Variants in CDKL4 observed in about 807,000 individuals in gnomAD.
CDKL4 encodes the protein cyclin dependent kinase like 4.
Under a neutral mutation model 42.0 loss-of-function variants are expected in CDKL4, and 44 were observed. The observed-to-expected ratio is 1.05, with a 90% CI of 0.82 to 1.35. The LOEUF (loss-of-function observed/expected upper bound fraction) is 1.35. Ranked by LOEUF, CDKL4 falls within the 40% of genes most tolerant of loss-of-function variation. CDKL4 has a pLI of 0.00. For missense variants in CDKL4, 393 were observed against 369.9 expected, an observed-to-expected ratio of 1.06 and a Z score of -0.51; for synonymous variants, 120 against 121.6, an observed-to-expected ratio of 0.99 and a Z score of 0.09.
At chr2:39,173,378 T>C (rs1309430879), downstream of CDKL4, among the ~76,000 whole-genome samples, 1 of 152,168 alleles carries the variant, frequency 6.6e-6, no homozygotes, top group African/African-American at 2.4e-5. Context: ...ATCGTCCTGT[T>C]AAAAATGCAG....
intron 5 of CDKL4, among the ~76,000 whole-genome samples, chr2:39,195,592 C>T (rs976507716): frequency 6.6e-6 from 1 of 151,690 alleles, no homozygotes; most frequent in Non-Finnish European, 1.5e-5. Flanking sequence ...TGCTTATTGG[C>T]CATTCGTATA....
chr2:39,208,606 G>T (rs962377493), intron 4 of CDKL4, among the ~76,000 whole-genome samples: 3 of 151,884 alleles, frequency 2.0e-5, no homozygotes, highest in Admixed American at 2.0e-4. Flanking sequence ...GCCTCCCAAA[G>T]TGCTGGGATT....
chr2:39,225,971 A>G lies in CDKL4; in HGVS notation c.169-11T>C, dbSNP rs200316561. On this transcript the variant is annotated splice_polypyrimidine_tract_variant and intron_variant, in intron 2 of 9. Transcript: ENST00000451199. ...TGGATGTTTTAATTGCTGTGAAAGA[A>G]TTGAAATGCAAAGTTAAGTGATCTG... 18 of 1,606,284 alleles carry G rather than the reference A, an allele frequency of 1.1e-5. No individual in the cohort carries two copies. Among genetic ancestry groups the G allele is most frequent in the Non-Finnish European group, 1.4e-5 (16 of 1,177,346 alleles).
At chr2:39,187,147 T>C (rs1675872824) in intron 7 of CDKL4, among the ~76,000 whole-genome samples, 2 of 152,088 alleles carry the variant, frequency 1.3e-5, no homozygotes, top group South Asian at 4.2e-4. Flanking sequence ...AAGTAGCAGT[T>C]TTCCCTTGTG....
chr2:39,179,004 G>T, intron 9 of CDKL4, 183 bp downstream of exon 9: 3 of 1,447,902 alleles, frequency 2.1e-6, no homozygotes, highest in Admixed American at 2.9e-5. Context: ...CAATAATCTT[G>T]ATATTTTCAT....
chr2:39,193,270 T>TAA (rs1191502183), intron 5 of CDKL4, among the ~76,000 whole-genome samples: 2 of 136,042 alleles, frequency 1.5e-5, no homozygotes, highest in Non-Finnish European at 1.6e-5. Flanking sequence ...CTCTCTCTGT[T>TAA]AAAAAAAAAA....
At chr2:39,196,137 G>T (rs1345246653) in intron 5 of CDKL4, among the ~76,000 whole-genome samples, 1 of 152,186 alleles carries the variant, frequency 6.6e-6, no homozygotes, top group African/African-American at 2.4e-5. Context: ...GTGCTCTTGA[G>T]AGCACCAGCT....
exon 2 of CDKL4, chr2:39,229,371 C>T: frequency 6.3e-7 from 1 of 1,589,492 alleles, no homozygotes; most frequent in Non-Finnish European, 8.6e-7. Flanking sequence ...TTACCTTCAA[C>T]ATACGTATTT....
chr2:39,205,929 C>T (rs1416704651), intron 4 of CDKL4, among the ~76,000 whole-genome samples: 3 of 152,136 alleles, frequency 2.0e-5, no homozygotes, highest in African/African-American at 7.2e-5. Flanking sequence ...ATCACTTCCA[C>T]CTCCTCACCG....
At chr2:39,221,633 C>T (rs922140351) in intron 3 of CDKL4, among the ~76,000 whole-genome samples, 4 of 152,328 alleles carry the variant, frequency 2.6e-5, no homozygotes, top group South Asian at 4.1e-4. Context: ...GCTGACGCAA[C>T]GCACTACTGA....
chr2:39,243,225 A>T (rs1409979616), intron 1 of CDKL4, among the ~76,000 whole-genome samples: 2 of 148,274 alleles, frequency 1.3e-5, no homozygotes, highest in African/African-American at 4.9e-5. Context: ...GTAAAGTCAC[A>T]ACCTCCTATG....
At chr2:39,181,840 A>G (rs925980548) in intron 8 of CDKL4, among the ~76,000 whole-genome samples, 1 of 152,134 alleles carries the variant, frequency 6.6e-6, no homozygotes, top group African/African-American at 2.4e-5. Context: ...GTTTTCAGAG[A>G]AAGCCCAGAC....
At chr2:39,176,853 A>G (rs1675188781) in intron 9 of CDKL4, among the ~76,000 whole-genome samples, 1 of 152,210 alleles carries the variant, frequency 6.6e-6, no homozygotes, top group South Asian at 2.1e-4. Flanking sequence ...TTTTTTCTGT[A>G]ACATTTATTT....
intron 4 of CDKL4, among the ~76,000 whole-genome samples, chr2:39,208,346 CTT>C (rs113655991): frequency 1.4e-5 from 2 of 144,560 alleles, no homozygotes; most frequent in African/African-American, 2.5e-5. Flanking sequence ...TTATACACAG[CTT>C]TTTTTTTTTT....
downstream of CDKL4, among the ~76,000 whole-genome samples, chr2:39,171,694 C>T (rs1451756031): frequency 6.6e-6 from 1 of 152,124 alleles, no homozygotes; most frequent in East Asian, 1.9e-4. Flanking sequence ...AAAGCAAACA[C>T]ACTAAAAAAC....
Position 39,229,593 on chromosome 2 carries a change from A to G in CDKL4, c.-56-5T>C. 7.4e-6 allele frequency: 10 copies of G among 1,344,536 alleles called. No homozygotes were observed. The highest frequency in any genetic ancestry group is 1.0e-5 in the Non-Finnish European group (10 of 977,444). The allele number at this position is 1,344,536 out of a possible 1,614,324, so 83.3% of individuals were successfully genotyped here. On this transcript the variant is annotated splice_polypyrimidine_tract_variant and splice_region_variant and intron_variant, in intron 1 of 9. Coordinates refer to ENST00000451199, the Ensembl canonical transcript of CDKL4. ...ACTTGCAGTACAATGCTGCACCTGG[A>G]AAATAAGGTAGACTTGCCTTAATCA...
exon 4 of CDKL4, chr2:39,213,445 T>C (rs372036742): frequency 1.9e-6 from 3 of 1,611,820 alleles, no homozygotes; most frequent in Non-Finnish European, 2.5e-6. Flanking sequence ...TTTGCCATAA[T>C]ACGCTTTTGA....
chr2:39,188,544 G>A (rs1488819405), intron 6 of CDKL4, among the ~76,000 whole-genome samples: 1 of 105,086 alleles, frequency 9.5e-6, no homozygotes, highest in East Asian at 3.3e-4. Flanking sequence ...CCTGGCAACA[G>A]AGTGACAGTC....
rs527998314 is a variant in CDKL4, at chr2:39,190,544, A to C, written c.455-42T>G. 4.5e-6 allele frequency: 7 copies of C among 1,550,736 alleles called. 1 individual carries two copies. In the South Asian group the frequency reaches 7.8e-5, roughly 17 times the overall value. On this transcript the variant is annotated intron_variant, in intron 5 of 9. Coordinates refer to ENST00000451199, the Ensembl canonical transcript of CDKL4. ...CAGATCAGGTAAGTCAATTCTCCCA[A>C]CATGTGAACTGCTCCCAAGAACACA...
Sources: gnomAD v4.1 joint callset for allele counts (sites outside exome capture counted in the v4.1 genomes callset) on GRCh38, gnomAD v4.1.1 for gene constraint, MANE v1.5 for transcripts, NCBI Gene and HGNC (gene_info 2026-07-23, HGNC 2026-07-21) for gene names.